Variants in NAIP observed in about 807,000 individuals in gnomAD.
NAIP encodes the protein baculoviral IAP repeat-containing protein 1.
In NAIP, 15 loss-of-function variants were observed where a neutral mutation model predicts 23.0. That is an observed-to-expected ratio of 0.65 (90% CI 0.44 to 1.00). The LOEUF is 1.00. Among genes scored for constraint, NAIP ranks in the 50% least tolerant of loss-of-function variants. NAIP has a pLI of 0.00. For synonymous variants in NAIP, 100 were observed against 100.2 expected (o/e 1.00, Z 0.01); for missense variants, 265 against 278.8 (o/e 0.95, Z 0.35).
intron 3 of NAIP, among the ~76,000 whole-genome samples, chr5:71,013,556 C>T (rs1751273890): frequency 6.8e-6 from 1 of 147,778 alleles, no homozygotes; most frequent in Middle Eastern, 3.5e-3. Context: ...AGGAGAATGG[C>T]GTGAACCCAG....
chr5:71,009,744 A>G (rs1231229024), intron 5 of NAIP, among the ~76,000 whole-genome samples: 11 of 151,580 alleles, frequency 7.3e-5, no homozygotes, highest in Admixed American at 5.9e-4. Context: ...TAGGAGATGG[A>G]TGAAATATGA....
At chr5:71,016,090 G>A (rs1463471168) in intron 3 of NAIP, among the ~76,000 whole-genome samples, 1 of 149,408 alleles carries the variant, frequency 6.7e-6, no homozygotes, top group Admixed American at 6.7e-5. Flanking sequence ...ATCAGCCTGG[G>A]CAACATAGCT....
chr5:71,012,718 AGTCT>A lies in NAIP; in HGVS notation c.194_197del (p.Lys65IlefsTer3). ...AGCTGTACGGCTCATAAGTCACAAAAGTCTTTAACCTTTTTGCTTCACTGCGCAT... is the reference window on the plus strand; with the variant it reads ...AGCTGTACGGCTCATAAGTCACAAAATTAACCTTTTTGCTTCACTGCGCAT... On this transcript the variant is annotated frameshift_variant, in exon 4 of 17. Transcript: ENST00000517649. LOFTEE classifies it high-confidence loss of function. 2.5e-6 allele frequency: 4 copies of A among 1,611,776 alleles called. No individual in the cohort carries two copies. Among genetic ancestry groups the A allele is most frequent in the Non-Finnish European group, 3.4e-6 (4 of 1,178,426 alleles).
In NAIP at chr5:71,008,779, G is replaced by A. The variant is rs1258953570; in HGVS notation, c.668+2496C>T. On this transcript the variant is annotated intron_variant, in intron 5 of 16. Coordinates refer to ENST00000517649, the MANE Select transcript of NAIP (RefSeq NM_004536.3). ...AGATTGCACCGCTGCACTCAAGCCT[G>A]GGCAACAGAGTGAGACTGTCACAAA... Among the ~76,000 whole-genome samples, 31 of 96,780 alleles carry A rather than the reference G, an allele frequency of 3.2e-4. 1 individual carries two copies. Among genetic ancestry groups the A allele is most frequent in the African/African-American group, 1.7e-3 (31 of 18,000 alleles). The allele number at this position is 96,780 out of a possible 152,430, so 63.5% of individuals were successfully genotyped here.
chr5:71,012,282 C>T, intron 4 of NAIP, 66 bp downstream of exon 4: 1 of 1,407,604 alleles, frequency 7.1e-7, no homozygotes, highest in South Asian at 1.4e-5. Context: ...ATTGCAAAAG[C>T]AATTGAAAAA....
chr5:71,011,763 G>T, intron 4 of NAIP: 1 of 447,138 alleles, frequency 2.2e-6, no homozygotes, highest in Non-Finnish European at 4.4e-6. Context: ...GTTTCTTAAA[G>T]TCTCTGAGCC....
intron 13 of NAIP, among the ~76,000 whole-genome samples, chr5:70,979,582 A>T (rs1355249723): frequency 2.1e-5 from 1 of 47,200 alleles, no homozygotes; most frequent in African/African-American, 9.6e-5. Context: ...CAAAAAAAAA[A>T]AAAATAATAA....
At chr5:71,012,230 CTAATA>C (rs1751193003) in intron 4 of NAIP, 113 bp downstream of exon 4, 3 of 868,108 alleles carry the variant, frequency 3.5e-6, no homozygotes, top group Admixed American at 6.0e-5. Flanking sequence ...GACCTTATAC[CTAATA>C]TAACACATTT....
At chr5:71,009,379 GA>G (rs1440584357) in intron 5 of NAIP, among the ~76,000 whole-genome samples, 8 of 140,272 alleles carry the variant, frequency 5.7e-5, no homozygotes, top group African/African-American at 1.9e-4. Context: ...AAAAAAAAAA[GA>G]AAAGAAAGAA....
At chr5:71,011,230 CAAA>C in intron 5 of NAIP, 42 bp downstream of exon 5, 1 of 1,271,764 alleles carries the variant, frequency 7.9e-7, no homozygotes, top group Non-Finnish European at 1.1e-6. Context: ...AAGACTGTCT[CAAA>C]AAAAAAAGAA....
In NAIP at chr5:71,012,364, A is replaced by G; in HGVS notation, c.552T>C (p.Ala184=). 2.5e-6 allele frequency: 4 copies of G among 1,605,506 alleles called. No homozygotes were observed. The highest frequency in any genetic ancestry group is 3.4e-6 in the Non-Finnish European group (4 of 1,175,014). ...TCAAGGTACCTGTAAAGACAAAGCCAGCCTCTGAGAGCACACAAGGGGATA... is the reference window on the plus strand; with the variant it reads ...TCAAGGTACCTGTAAAGACAAAGCCGGCCTCTGAGAGCACACAAGGGGATA... ...QGISPCVLSE[A]GFVFTGKQDT... The change falls in exon 4 of 17, where the codon GCT becomes GCC. Residue 184 remains alanine (A), a synonymous_variant. Coordinates refer to ENST00000517649, the MANE Select transcript of NAIP (RefSeq NM_004536.3).
Position 71,012,565 on chromosome 5 carries a change from G to C in NAIP, c.351C>G (p.His117Gln). The C allele has an allele frequency of 6.2e-7, 1 of 1,611,850 alleles. No individual in the cohort carries two copies. Among genetic ancestry groups the C allele is most frequent in the Non-Finnish European group, 8.5e-7 (1 of 1,178,474 alleles). The change falls in exon 4 of 17, where the codon CAC (histidine) becomes CAG (glutamine). Residue 117 changes from histidine to glutamine, a missense_variant. Around this residue, in one of 2 missense-constraint regions of NAIP, gnomAD observed 261 missense variants for 259.2 expected, o/e 1.01. Transcript: ENST00000517649. ...AGLTRLPIED[H>Q]KRFHPDCGFL... ...ACCCACAATCTGGATGAAACCTCTTGTGGTCTTCTATGGGGAGTCTCGTGA... is the reference window on the plus strand; with the variant it reads ...ACCCACAATCTGGATGAAACCTCTTCTGGTCTTCTATGGGGAGTCTCGTGA...
At chr5:71,015,253 C>T (rs1322024308) in intron 3 of NAIP, among the ~76,000 whole-genome samples, 2 of 151,274 alleles carry the variant, frequency 1.3e-5, no homozygotes, top group African/African-American at 2.4e-5. Context: ...TTGGCACATG[C>T]CTGTAGTCCC....
intron 6 of NAIP, among the ~76,000 whole-genome samples, chr5:71,002,426 TGA>T (rs1750838075): frequency 1.7e-5 from 2 of 116,472 alleles, no homozygotes; most frequent in African/African-American, 7.4e-5. Context: ...TTTTTTTTTT[TGA>T]GACAGAGTCT....
intron 5 of NAIP, among the ~76,000 whole-genome samples, chr5:71,010,861 T>A (rs1751116777): frequency 6.6e-6 from 1 of 151,398 alleles, no homozygotes; most frequent in Admixed American, 6.6e-5. Flanking sequence ...TGGTCCAATT[T>A]TGAATAGGGA....
chr5:71,010,004 T>C (rs185791209), intron 5 of NAIP, among the ~76,000 whole-genome samples: 6 of 151,836 alleles, frequency 4.0e-5, no homozygotes, highest in Admixed American at 3.9e-4. Context: ...TGTTTTCATT[T>C]GGTATATATT....
chr5:71,009,875 C>T lies in NAIP; in HGVS notation c.668+1400G>A, dbSNP rs1276136309. On this transcript the variant is annotated intron_variant, in intron 5 of 16. Transcript: ENST00000517649. ...TGTACTTGGTAGAAACAAAGAAAGT[C>T]ATGTAGAAAATACTAGTAAATATAG... 2.0e-5 allele frequency among the ~76,000 whole-genome samples: 3 copies of T among 151,272 alleles called. 1 individual carries two copies. Among genetic ancestry groups the T allele is most frequent in the Non-Finnish European group, 4.4e-5 (3 of 67,752 alleles).
intron 13 of NAIP, among the ~76,000 whole-genome samples, chr5:70,977,663 T>G (rs1351387184): frequency 7.3e-5 from 2 of 27,304 alleles, no homozygotes; most frequent in Non-Finnish European, 1.3e-4. Flanking sequence ...AGACTGCATC[T>G]CCAAAAAAAA....
chr5:71,011,591 T>C, intron 4 of NAIP: 1 of 554,466 alleles, frequency 1.8e-6, no homozygotes, highest in South Asian at 2.5e-5. Flanking sequence ...TGTAACTCAA[T>C]ATCCTGCCCC....
Sources: gnomAD v4.1 joint callset for allele counts (sites outside exome capture counted in the v4.1 genomes callset) on GRCh38, gnomAD v4.1.1 for gene constraint, gnomAD v4.1.1 regional missense constraint, MANE v1.5 for transcripts, NCBI Gene and HGNC (gene_info 2026-07-23, HGNC 2026-07-21) for gene names.